APBB2: variants seen among roughly 807,000 people sequenced by gnomAD.
APBB2 encodes amyloid beta precursor protein binding family B member 2, also known as Fe65-like 1.
Under a neutral mutation model 82.5 loss-of-function variants are expected in APBB2, and 38 were observed. The observed-to-expected ratio is 0.46, with a 90% CI of 0.36 to 0.60. The LOEUF (loss-of-function observed/expected upper bound fraction) is 0.60, where lower values mean the gene tolerates loss of function less well. APBB2 is among the 20% of genes least tolerant of loss of function. The probability of loss-of-function intolerance (pLI) is 0.00; values close to 1 mark genes in which losing one functional copy is unlikely to be tolerated. For missense variants in APBB2, 772 were observed against 972.3 expected, an observed-to-expected ratio of 0.79 and a Z score of 2.74; for synonymous variants, 341 against 368.2, an observed-to-expected ratio of 0.93 and a Z score of 0.85.
chr4:41,030,623 CA>C (rs1420962570), intron 5 of APBB2, among the ~76,000 whole-genome samples: 2 of 152,004 alleles, frequency 1.3e-5, no homozygotes, highest in Non-Finnish European at 1.5e-5. Flanking sequence ...CAGTGACTTT[CA>C]AAGATAATTT....
At chr4:40,819,602 C>A (rs1747100111) in intron 17 of APBB2, among the ~76,000 whole-genome samples, 1 of 151,838 alleles carries the variant, frequency 6.6e-6, no homozygotes, top group Admixed American at 6.6e-5. Context: ...ATAGCAAGAT[C>A]CCATCTCTTA....
At chr4:41,088,857 C>A (rs568826974) in intron 3 of APBB2, among the ~76,000 whole-genome samples, 1 of 152,292 alleles carries the variant, frequency 6.6e-6, no homozygotes, top group Non-Finnish European at 1.5e-5. Flanking sequence ...CCCCAAAGAG[C>A]TGGTCCCCAC....
intron 1 of APBB2, among the ~76,000 whole-genome samples, chr4:41,208,278 T>C (rs1392744311): frequency 6.6e-6 from 1 of 152,224 alleles, no homozygotes; most frequent in Non-Finnish European, 1.5e-5. Flanking sequence ...ATTCTTTTTT[T>C]TGAGACAGAG....
At chr4:41,143,464 C>G (rs1429265021) in intron 1 of APBB2, among the ~76,000 whole-genome samples, 1 of 152,222 alleles carries the variant, frequency 6.6e-6, no homozygotes, top group Non-Finnish European at 1.5e-5. Context: ...TGATCTGCCC[C>G]GTGGAAAACC....
chr4:41,211,314 A>T (rs1254247982), intron 1 of APBB2, among the ~76,000 whole-genome samples: 1 of 152,058 alleles, frequency 6.6e-6, no homozygotes, highest in Non-Finnish European at 1.5e-5. Context: ...TCCTAACCCC[A>T]TGTAGGAAAA....
intron 11 of APBB2, among the ~76,000 whole-genome samples, chr4:40,891,945 TTTG>T: frequency 6.6e-6 from 1 of 151,366 alleles, no homozygotes; most frequent in Admixed American, 6.6e-5. Flanking sequence ...AGGCCTGGGT[TTTG>T]TTCTTTTTTT....
At chr4:41,113,413 G>A (rs1477636979) in intron 2 of APBB2, among the ~76,000 whole-genome samples, 1 of 152,074 alleles carries the variant, frequency 6.6e-6, no homozygotes, top group Non-Finnish European at 1.5e-5. Flanking sequence ...ACAAAATCAC[G>A]TCATCTGCAA....
chr4:40,927,097 G>C (rs1425100768), intron 10 of APBB2, among the ~76,000 whole-genome samples: 1 of 152,146 alleles, frequency 6.6e-6, no homozygotes, highest in East Asian at 1.9e-4. Flanking sequence ...AATTTTCTCA[G>C]AACCTGAAAT....
At chr4:40,939,447 A>G (rs1314587911) in intron 7 of APBB2, among the ~76,000 whole-genome samples, 1 of 152,138 alleles carries the variant, frequency 6.6e-6, no homozygotes, top group East Asian at 1.9e-4. Flanking sequence ...AGTTTGGGGA[A>G]TACAAAGGGT....
intron 4 of APBB2, among the ~76,000 whole-genome samples, chr4:41,058,410 A>G (rs1471627555): frequency 6.6e-6 from 1 of 152,238 alleles, no homozygotes. Context: ...ACTAGTCTCA[A>G]CATCAAGATG....
chr4:41,015,840 G>A (rs1419962568), intron 5 of APBB2, among the ~76,000 whole-genome samples: 1 of 151,954 alleles, frequency 6.6e-6, no homozygotes, highest in Non-Finnish European at 1.5e-5. Context: ...AATGTAGTGT[G>A]GTTTTTCCTT....
chr4:41,078,128 G>T (rs1205582540), intron 3 of APBB2, among the ~76,000 whole-genome samples: 1 of 152,044 alleles, frequency 6.6e-6, no homozygotes, highest in Non-Finnish European at 1.5e-5. Context: ...TACAAGCGCA[G>T]GTATTTAAGG....
At chr4:40,882,748 G>A (rs1769015500) in intron 12 of APBB2, among the ~76,000 whole-genome samples, 1 of 152,182 alleles carries the variant, frequency 6.6e-6, no homozygotes, top group Admixed American at 6.5e-5. Context: ...GGAGCTGAGG[G>A]GACAGCTGCT....
chr4:41,169,175 C>T (rs1189214471), intron 1 of APBB2, among the ~76,000 whole-genome samples: 1 of 114,220 alleles, frequency 8.8e-6, no homozygotes, highest in East Asian at 2.6e-4. Flanking sequence ...CAGAGCAACA[C>T]TCCGTCTCAA....
chr4:40,876,576 G>A (rs576188401), intron 12 of APBB2, among the ~76,000 whole-genome samples: 9 of 152,256 alleles, frequency 5.9e-5, no homozygotes, highest in African/African-American at 2.2e-4. Context: ...GACCCCCAAC[G>A]ATGCTCAAGC....
At chr4:40,990,041 G>A (rs560538901) in intron 6 of APBB2, 1 of 152,330 alleles carries the variant, frequency 6.6e-6, no homozygotes, top group South Asian at 2.1e-4. Flanking sequence ...CTCAAAAGCG[G>A]GAGTGATACA....
chr4:41,091,499 A>G (rs1357066252), intron 3 of APBB2, among the ~76,000 whole-genome samples: 1 of 152,182 alleles, frequency 6.6e-6, no homozygotes, highest in African/African-American at 2.4e-5. Flanking sequence ...AAGCTCTCCC[A>G]AACAAGACAC....
chr4:40,978,199 C>T (rs1797655965), intron 6 of APBB2, among the ~76,000 whole-genome samples: 1 of 152,220 alleles, frequency 6.6e-6, no homozygotes, highest in African/African-American at 2.4e-5. Context: ...AATCAGGCAG[C>T]TATGAAACTG....
intron 10 of APBB2, among the ~76,000 whole-genome samples, chr4:40,900,606 C>T (rs1288999176): frequency 6.6e-6 from 1 of 151,964 alleles, no homozygotes; most frequent in Non-Finnish European, 1.5e-5. Flanking sequence ...CAGGCGCAGA[C>T]CACCACGCTC....
Sources: allele counts gnomAD v4.1 joint callset (sites outside exome capture counted in the v4.1 genomes callset), GRCh38; gene constraint gnomAD v4.1.1; transcripts MANE v1.5; gene names NCBI Gene and HGNC (gene_info 2026-07-23, HGNC 2026-07-21).